The following LOXL3 variants were observed in gnomAD, a reference collection of about 807,000 sequenced individuals.
LOXL3 encodes the protein lysyl oxidase homolog 3.
LOXL3 carries 60 observed loss-of-function variants against 91.8 expected under a neutral mutation model. That is an observed-to-expected ratio of 0.65 (90% CI 0.53 to 0.81). The LOEUF is 0.81. Among genes scored for constraint, LOXL3 ranks in the 30% least tolerant of loss-of-function variants. LOXL3 has a pLI of 0.00. For missense variants in LOXL3, 874 were observed against 1,000.4 expected (o/e 0.87, Z 1.70); for synonymous variants, 355 against 387.6 (o/e 0.92, Z 0.99).
Position 74,536,993 on chromosome 2 carries a change from A to T in LOXL3, c.693-65T>A. The T allele has an allele frequency of 7.6e-7, 1 of 1,319,938 alleles. No homozygotes were observed. The highest frequency in any genetic ancestry group is 1.1e-6 in the Non-Finnish European group (1 of 932,046). The allele number at this position is 1,319,938 out of a possible 1,614,324, so 81.8% of individuals were successfully genotyped here. ...GCTCCTGCCTCTTGGCCCCACAAACATCCTCCCACTTCATGCCTCCACCAT... is the reference window on the plus strand; with the variant it reads ...GCTCCTGCCTCTTGGCCCCACAAACTTCCTCCCACTTCATGCCTCCACCAT... On this transcript the variant is annotated intron_variant, in intron 4 of 13. Coordinates refer to ENST00000264094, the MANE Select transcript of LOXL3 (RefSeq NM_032603.5). The surrounding 1 kb of genome is among the most constrained non-coding windows in gnomAD (Gnocchi z 4.5).
At position 74,549,531 on chromosome 2, in the gene LOXL3, C is replaced by T. The variant is rs776786029; in HGVS notation, c.530G>A (p.Trp177Ter). 1.2e-6 allele frequency: 2 copies of T among 1,612,974 alleles called. No individual in the cohort carries two copies. The highest frequency in any genetic ancestry group is 1.7e-6 in the Non-Finnish European group (2 of 1,179,238). The change falls in exon 4 of 14, where the codon TGG (tryptophan) becomes TAG (stop). Residue 177 changes from tryptophan (W) to a stop codon, truncating the protein, a stop_gained. Coordinates refer to ENST00000264094, the MANE Select transcript of LOXL3 (RefSeq NM_032603.5). LOFTEE classifies it high-confidence loss of function. This position sits in a 1 kb window ranked among gnomAD's most constrained non-coding sequence, Gnocchi z 5.3. ...CGTCACGGGCAGGGGTCGTCTGCCC[C>T]ACCCAACGGCGGGTCGAATTCGCAC... Reference protein sequence around the residue: ...EEVRIRPAVGWGRRPLPVTEG... With the variant: ...EEVRIRPAVG
Position 74,534,004 on chromosome 2 carries a change from GA to G in LOXL3, c.2077-12del. 1 of 1,612,900 alleles carries G rather than the reference GA, an allele frequency of 6.2e-7. No homozygotes were observed. Among genetic ancestry groups the G allele is most frequent in the Non-Finnish European group, 8.5e-7 (1 of 1,179,138 alleles). The stretch of plus-strand genomic sequence containing the variant: ...TGGGTTGATGACAACCTGTGAGTGA[GA>G]AAAAGGCCACTTAACCCAGCGACAA... On this transcript the variant is annotated splice_polypyrimidine_tract_variant and intron_variant, in intron 12 of 13. Transcript: ENST00000264094.
chr2:74,532,523 A>C lies in LOXL3; in HGVS notation c.*1083T>G. The C allele has an allele frequency of 1.1e-6, 1 of 917,134 alleles. No individual in the cohort carries two copies. The highest frequency in any genetic ancestry group is 1.8e-6 in the Non-Finnish European group (1 of 566,536). 56.8% of individuals were successfully genotyped at this position (917,134 alleles called of 1,614,324 possible). On this transcript the variant is annotated 3_prime_UTR_variant, in exon 14 of 14. Coordinates refer to ENST00000264094, the MANE Select transcript of LOXL3 (RefSeq NM_032603.5). ...GTAGTACCTAGCCCATGTCCTGTCC[A>C]TATATTTATCAATGTGTTGATGAGA...
At chr2:74,533,821 A>G in intron 13 of LOXL3, 61 bp downstream of exon 13, 2 of 1,487,344 alleles carry the variant, frequency 1.3e-6, no homozygotes, top group Admixed American at 3.4e-5. Flanking sequence ...TATGGAAAAG[A>G]GAATGAACGT....
chr2:74,552,894 CG>C, intron 1 of LOXL3: 1 of 445,400 alleles, frequency 2.2e-6, no homozygotes, highest in Non-Finnish European at 4.0e-6. Flanking sequence ...TATGAGAGAT[CG>C]AGAGTCAGAG....
chr2:74,548,035 T>A (rs1194739897), intron 4 of LOXL3, among the ~76,000 whole-genome samples: 1 of 152,254 alleles, frequency 6.6e-6, no homozygotes, highest in East Asian at 1.9e-4. Context: ...GGAAGGAACA[T>A]ATTTTACAGC....
At position 74,550,168 on chromosome 2, in the gene LOXL3, G is replaced by A. The variant is rs201826141; in HGVS notation, c.477+17C>T. ...TATCCTGGGTAGTGTGTGTGTGTATGTCTAGGAAATGCAGACCTCAATGAC... is the reference window on the plus strand; with the variant it reads ...TATCCTGGGTAGTGTGTGTGTGTATATCTAGGAAATGCAGACCTCAATGAC... On this transcript the variant is annotated intron_variant, in intron 3 of 13. Coordinates refer to ENST00000264094, the MANE Select transcript of LOXL3 (RefSeq NM_032603.5). 6.3e-5 allele frequency: 102 copies of A among 1,609,220 alleles called. 1 individual carries two copies. In the Middle Eastern group the frequency reaches 6.6e-4, roughly 10 times the overall value.
At position 74,536,035 on chromosome 2, in the gene LOXL3, C is replaced by T. The variant is rs779658425; in HGVS notation, c.1209G>A (p.Gly403=). 2.8e-5 allele frequency: 45 copies of T among 1,602,516 alleles called. No homozygotes were observed. In the East Asian group the frequency reaches 1.0e-3, roughly 36 times the overall value. ...AEDCSHSQDA[G]VRCNLPYTGA... ...CAGTGTAAGGTAGGTTGCACCGGACCCCGGCATCCTGGCTATGTGAACAAT... is the reference window on the plus strand; with the variant it reads ...CAGTGTAAGGTAGGTTGCACCGGACTCCGGCATCCTGGCTATGTGAACAAT... Residue 403 remains glycine (G), a synonymous_variant, in exon 7 of 14, where the codon GGG becomes GGA. Transcript: ENST00000264094. This position sits in a 1 kb window ranked among gnomAD's most constrained non-coding sequence, Gnocchi z 4.5.
upstream of LOXL3, chr2:74,554,748 G>A (rs200362897): frequency 1.9e-6 from 3 of 1,612,838 alleles, no homozygotes; most frequent in African/African-American, 2.7e-5. This position sits in a 1 kb window ranked among gnomAD's most constrained non-coding sequence, Gnocchi z 4.9. Flanking sequence ...AGGAACCGCC[G>A]GGGGCCATGG....
chr2:74,554,632 C>T (rs560774317), upstream of LOXL3: 3 of 884,150 alleles, frequency 3.4e-6, no homozygotes, highest in South Asian at 3.4e-5. The surrounding 1 kb of genome is among the most constrained non-coding windows in gnomAD (Gnocchi z 4.9). Flanking sequence ...CCCACCGCGA[C>T]CCCCCCAGCG....
At chr2:74,545,395 T>C (rs1297419027) in intron 4 of LOXL3, among the ~76,000 whole-genome samples, 1 of 152,248 alleles carries the variant, frequency 6.6e-6, no homozygotes, top group Non-Finnish European at 1.5e-5. Flanking sequence ...AATACCTTTA[T>C]TTGTAATTTT....
rs776306671 is a variant in LOXL3, at chr2:74,550,251, A to G, written c.411T>C (p.Asp137=). 6.2e-7 allele frequency: 1 copy of G among 1,614,204 alleles called. No homozygotes were observed. The highest frequency in any genetic ancestry group is 1.1e-5 in the South Asian group (1 of 91,080). ...CTTTGCAGATGACCCCAGCATCCTC[A>G]TCGTGCGTACAGTCACTGTTCCCCC... ...RGWGNSDCTH[D]EDAGVICKDQ... Residue 137 remains aspartate (D), a synonymous_variant, in exon 3 of 14, where the codon GAT becomes GAC. Coordinates refer to ENST00000264094, the MANE Select transcript of LOXL3 (RefSeq NM_032603.5).
chr2:74,536,419 A>C lies in LOXL3; in HGVS notation c.965T>G (p.Val322Gly). Residue 322 changes from valine (V) to glycine (G), a missense_variant, in exon 6 of 14, where the codon GTC (valine) becomes GGC (glycine). Val to Gly is a moderately radical substitution (Grantham distance 109). Coordinates refer to ENST00000264094, the MANE Select transcript of LOXL3 (RefSeq NM_032603.5). This position sits in a 1 kb window ranked among gnomAD's most constrained non-coding sequence, Gnocchi z 4.5. ...GAHPGEGRVE[V>G]LKASTWGTVC... is the part of the protein sequence containing the mutation. ...TGTGCCCCATGTGCTGGCCTTCAGG[A>C]CTTCTACCCGGCCCTCTCCAGGGTG... The C allele has an allele frequency of 7.4e-6, 12 of 1,614,046 alleles. No individual in the cohort carries two copies. Among genetic ancestry groups the C allele is most frequent in the Non-Finnish European group, 1.0e-5 (12 of 1,180,000 alleles).
In LOXL3 at chr2:74,549,013, T is replaced by C; in HGVS notation, c.692+356A>G. 6.1e-6 allele frequency: 1 copy of C among 164,238 alleles called. No individual in the cohort carries two copies. The highest frequency in any genetic ancestry group is 1.3e-5 in the Non-Finnish European group (1 of 76,404). The allele number at this position is 164,238 out of a possible 1,614,324, so 10.2% of individuals were successfully genotyped here. A position where few individuals can be genotyped will look rare whatever the true frequency, so the allele number is the denominator to read the frequency against. ...CTCCCAGGGGCGGCCGCGTCCTTAC[T>C]GAACTCGGAAATCGCTGGCCGGCAG... On this transcript the variant is annotated intron_variant, in intron 4 of 13. Coordinates refer to ENST00000264094, the MANE Select transcript of LOXL3 (RefSeq NM_032603.5). The surrounding 1 kb of genome is among the most constrained non-coding windows in gnomAD (Gnocchi z 5.3).
upstream of LOXL3, chr2:74,554,908 G>C (rs776876262): frequency 1.3e-5 from 21 of 1,568,650 alleles, no homozygotes; most frequent in Non-Finnish European, 1.8e-5. This position sits in a 1 kb window ranked among gnomAD's most constrained non-coding sequence, Gnocchi z 4.9. Flanking sequence ...CTGGAGAGCG[G>C]CGCCGGGAGT....
chr2:74,536,398 C>T lies in LOXL3; in HGVS notation c.986G>A (p.Gly329Asp). ...GTCCCACTTGCGGTCACAGACTGTG[C>T]CCCATGTGCTGGCCTTCAGGACTTC... ...RVEVLKASTWGTVCDRKWDLH... is the reference protein window; with the variant it reads ...RVEVLKASTWDTVCDRKWDLH... Residue 329 changes from glycine (G) to aspartate (D), a missense_variant, in exon 6 of 14, where the codon GGC (glycine) becomes GAC (aspartate). Gly to Asp is a moderately conservative substitution (Grantham distance 94). Coordinates refer to ENST00000264094, the MANE Select transcript of LOXL3 (RefSeq NM_032603.5). This position sits in a 1 kb window ranked among gnomAD's most constrained non-coding sequence, Gnocchi z 4.5. 1 of 1,614,154 alleles carries T rather than the reference C, an allele frequency of 6.2e-7. No homozygotes were observed. Among genetic ancestry groups the T allele is most frequent in the Non-Finnish European group, 8.5e-7 (1 of 1,180,026 alleles).
chr2:74,540,220 G>T (rs1234995733), intron 4 of LOXL3, among the ~76,000 whole-genome samples: 1 of 152,166 alleles, frequency 6.6e-6, no homozygotes, highest in Non-Finnish European at 1.5e-5. Context: ...GAAGGCCGTG[G>T]ACTCAGGACG....
chr2:74,535,569 C>T lies in LOXL3; in HGVS notation c.1416+19G>A, dbSNP rs770808826. The T allele has an allele frequency of 5.6e-6, 9 of 1,613,418 alleles. No individual in the cohort carries two copies. The African/African-American group carries it at 1.1e-4, about 19-fold the overall frequency. On this transcript the variant is annotated intron_variant, in intron 8 of 13. Coordinates refer to ENST00000264094, the MANE Select transcript of LOXL3 (RefSeq NM_032603.5). This position sits in a 1 kb window ranked among gnomAD's most constrained non-coding sequence, Gnocchi z 4.2. ...GGCTTTGAGACAACAGCCTCGGCTC[C>T]CCTTTCCTTCCCACTCACCTGCAGG...
intron 4 of LOXL3, among the ~76,000 whole-genome samples, chr2:74,543,900 CAAAAA>C (rs960168777): frequency 3.1e-5 from 2 of 65,166 alleles, no homozygotes; most frequent in Admixed American, 1.5e-4. Context: ...GGCTCTGTCT[CAAAAA>C]AAAAAAAAAA....
Sources: gnomAD v4.1 joint callset for allele counts (sites outside exome capture counted in the v4.1 genomes callset) on GRCh38, gnomAD v4.1.1 for gene constraint, Gnocchi (gnomAD v3.1) non-coding constraint, MANE v1.5 for transcripts, NCBI Gene and HGNC (gene_info 2026-07-23, HGNC 2026-07-21) for gene names.